The following NKAIN3 variants were observed in gnomAD, a reference collection of about 807,000 sequenced individuals.
NKAIN3 encodes the protein sodium/potassium transporting ATPase interacting 3, also known as sodium/potassium-transporting ATPase subunit beta-1-interacting protein 3.
Under a neutral mutation model 30.2 loss-of-function variants are expected in NKAIN3, and 25 were observed. The observed-to-expected ratio is 0.83, with a 90% CI of 0.60 to 1.16. The LOEUF is 1.16. Among genes scored for constraint, NKAIN3 ranks in the 50% most tolerant of loss-of-function variants. The probability of loss-of-function intolerance (pLI) is 0.00; values close to 1 mark genes in which losing one functional copy is unlikely to be tolerated. For synonymous variants in NKAIN3, 91 were observed against 89.6 expected (o/e 1.02, Z -0.09); for missense variants, 225 against 254.1 (o/e 0.89, Z 0.78).
chr8:62,754,632 T>G (rs979599628), intron 4 of NKAIN3, among the ~76,000 whole-genome samples: 1 of 152,232 alleles, frequency 6.6e-6, no homozygotes, highest in Non-Finnish European at 1.5e-5. Context: ...AATTGTTTTT[T>G]CATCATCCCT....
chr8:62,547,584 T>G (rs1809058932), intron 1 of NKAIN3, among the ~76,000 whole-genome samples: 1 of 152,170 alleles, frequency 6.6e-6, no homozygotes. Flanking sequence ...AAAGTGCCAT[T>G]GTTTGAGTCT....
At chr8:62,609,963 A>G (rs868046391) in intron 3 of NKAIN3, among the ~76,000 whole-genome samples, 1 of 152,274 alleles carries the variant, frequency 6.6e-6, no homozygotes, top group South Asian at 2.1e-4. Flanking sequence ...GCGACTGAGC[A>G]TAGGGGACTG....
rs192773190 is a variant in NKAIN3, at chr8:62,760,132, G to T, written c.471+13003G>T. On this transcript the variant is annotated intron_variant, in intron 4 of 6. Transcript: ENST00000623646. ...ATTAAAAAGTCAGGAAACAACAGAT[G>T]CTGGAGATGATGTGGAGTAATAGGA... 6.8e-4 allele frequency among the ~76,000 whole-genome samples: 103 copies of T among 152,250 alleles called. 1 individual carries two copies. The highest frequency in any genetic ancestry group is 2.8e-3 in the Admixed American group (43 of 15,290).
chr8:62,800,462 C>T (rs1430313314), intron 4 of NKAIN3, among the ~76,000 whole-genome samples: 3 of 152,214 alleles, frequency 2.0e-5, no homozygotes, highest in South Asian at 4.1e-4. Flanking sequence ...GAATTTTATG[C>T]TATGACCTCA....
At chr8:62,400,600 T>C (rs1803825240) in intron 1 of NKAIN3, among the ~76,000 whole-genome samples, 1 of 152,210 alleles carries the variant, frequency 6.6e-6, no homozygotes, top group South Asian at 2.1e-4. Context: ...CTTGTGTTCA[T>C]GAAATCCCTC....
At chr8:62,433,880 T>C (rs1805091054) in intron 1 of NKAIN3, among the ~76,000 whole-genome samples, 1 of 152,158 alleles carries the variant, frequency 6.6e-6, no homozygotes, top group Non-Finnish European at 1.5e-5. Context: ...CAAGGGCATG[T>C]AATAGATACC....
At chr8:62,440,599 T>A (rs921164272) in intron 1 of NKAIN3, among the ~76,000 whole-genome samples, 1 of 152,182 alleles carries the variant, frequency 6.6e-6, no homozygotes, top group African/African-American at 2.4e-5. Context: ...TACATGTTGA[T>A]TCTCAAGTTT....
At chr8:62,933,801 T>G (rs1164061091) in intron 5 of NKAIN3, among the ~76,000 whole-genome samples, 1 of 152,180 alleles carries the variant, frequency 6.6e-6, no homozygotes, top group Non-Finnish European at 1.5e-5. Context: ...TTCAAGAATT[T>G]TTTCCAATCT....
At chr8:62,537,077 C>A (rs990321967) in intron 1 of NKAIN3, among the ~76,000 whole-genome samples, 2 of 152,122 alleles carry the variant, frequency 1.3e-5, no homozygotes, top group African/African-American at 2.4e-5. Context: ...GAAAAGACAA[C>A]CAGTTACCTT....
chr8:62,847,108 T>C (rs570402047), intron 4 of NKAIN3, among the ~76,000 whole-genome samples: 2 of 152,280 alleles, frequency 1.3e-5, no homozygotes, highest in African/African-American at 2.4e-5. Context: ...TTAGGTTGAT[T>C]CCATGTCTTT....
rs995156413 is a variant in NKAIN3, at chr8:62,790,599, G to C, written c.471+43470G>C. Among the ~76,000 whole-genome samples the C allele has an allele frequency of 6.6e-5, 10 of 151,770 alleles. No homozygotes were observed. The South Asian group carries it at 1.0e-3, about 16-fold the overall frequency. On this transcript the variant is annotated intron_variant, in intron 4 of 6. Coordinates refer to ENST00000623646, the MANE Select transcript of NKAIN3 (RefSeq NM_001304533.3). ...TGTCTGTCTGTGTGTGTGTGTGTGTGTGTCTGTCTGTGTGTACAGCAGAAA... is the reference window on the plus strand; with the variant it reads ...TGTCTGTCTGTGTGTGTGTGTGTGTCTGTCTGTCTGTGTGTACAGCAGAAA...
At chr8:62,444,487 A>G (rs1428280037) in intron 1 of NKAIN3, among the ~76,000 whole-genome samples, 1 of 152,174 alleles carries the variant, frequency 6.6e-6, no homozygotes, top group Non-Finnish European at 1.5e-5. Flanking sequence ...TGCAGTATTC[A>G]TCTGTGTTTC....
At chr8:62,985,373 A>G (rs2130928390), downstream of NKAIN3, among the ~76,000 whole-genome samples, 1 of 152,230 alleles carries the variant, frequency 6.6e-6, no homozygotes, top group East Asian at 1.9e-4. Flanking sequence ...GGTCTCAGGT[A>G]CCAATGAGTC....
chr8:62,493,348 A>G (rs1444394191), intron 1 of NKAIN3, among the ~76,000 whole-genome samples: 1 of 151,968 alleles, frequency 6.6e-6, no homozygotes, highest in Non-Finnish European at 1.5e-5. Flanking sequence ...GTTTGGCCTT[A>G]TATTTGGGCT....
intron 1 of NKAIN3, among the ~76,000 whole-genome samples, chr8:62,284,140 G>C (rs1466991327): frequency 6.6e-6 from 1 of 152,246 alleles, no homozygotes; most frequent in African/African-American, 2.4e-5. Context: ...AGGGGTATCA[G>C]AGAAAAGTTT....
chr8:62,687,094 A>G (rs1031003900), intron 3 of NKAIN3, among the ~76,000 whole-genome samples: 1 of 152,228 alleles, frequency 6.6e-6, no homozygotes, highest in Non-Finnish European at 1.5e-5. Flanking sequence ...ATCAGTTTTT[A>G]CTGAGTGCAT....
intron 3 of NKAIN3, among the ~76,000 whole-genome samples, chr8:62,612,585 A>G (rs1811330512): frequency 6.6e-6 from 1 of 151,456 alleles, no homozygotes; most frequent in African/African-American, 2.4e-5. Context: ...TTGATTAAAG[A>G]GTTTAGCCCA....
At chr8:62,749,501 G>A (rs1167096077) in intron 4 of NKAIN3, among the ~76,000 whole-genome samples, 1 of 151,966 alleles carries the variant, frequency 6.6e-6, no homozygotes, top group Non-Finnish European at 1.5e-5. Flanking sequence ...GAACACACCT[G>A]CAGGACAAGA....
At chr8:62,398,576 T>C (rs367565208) in intron 1 of NKAIN3, among the ~76,000 whole-genome samples, 5 of 152,132 alleles carry the variant, frequency 3.3e-5, no homozygotes, top group African/African-American at 1.2e-4. Context: ...AGTTTCCAAG[T>C]GAGAATGGTG....
Sources: allele counts gnomAD v4.1 joint callset (sites outside exome capture counted in the v4.1 genomes callset), GRCh38; gene constraint gnomAD v4.1.1; transcripts MANE v1.5; gene names NCBI Gene and HGNC (gene_info 2026-07-23, HGNC 2026-07-21).